Variants in KCNK9 observed in about 807,000 individuals in gnomAD.
The protein encoded by KCNK9 is potassium two pore domain channel subfamily K member 9, also known as potassium channel subfamily K member 9.
In KCNK9, 1 loss-of-function variant was observed where a neutral mutation model predicts 10.8. The observed-to-expected ratio is 0.09, with a 90% CI of 0.03 to 0.44. The LOEUF is 0.44. KCNK9 is among the 20% of genes least tolerant of loss of function. The pLI, the probability that KCNK9 is intolerant of heterozygous loss-of-function variation, is 0.97. For missense variants in KCNK9, 303 were observed against 515.0 expected (o/e 0.59, Z 3.98); for synonymous variants, 231 against 222.7 (o/e 1.04, Z -0.33).
At chr8:139,698,926 A>C (rs1042915476) in intron 1 of KCNK9, among the ~76,000 whole-genome samples, 1 of 152,204 alleles carries the variant, frequency 6.6e-6, no homozygotes, top group Non-Finnish European at 1.5e-5. Flanking sequence ...GCTGTTTCTC[A>C]GAGTGTACCC....
At chr8:139,682,966 C>T (rs1168084589) in intron 1 of KCNK9, among the ~76,000 whole-genome samples, 3 of 152,154 alleles carry the variant, frequency 2.0e-5, no homozygotes, top group East Asian at 1.9e-4. Context: ...AAAACCAGAG[C>T]ATTTCCAATG....
At position 139,618,167 on chromosome 8, in the gene KCNK9, TAATAAATA is replaced by T; in HGVS notation, c.*83_*90del. ...AAAGTAATAATGATGACAATAATAA[TAATAAATA>T]AATAAGAAAAGACGAGTTGGACCAA... On this transcript the variant is annotated 3_prime_UTR_variant, in exon 2 of 2. Transcript: ENST00000520439. The surrounding 1 kb of genome is among the most constrained non-coding windows in gnomAD (Gnocchi z 7.9). 2 of 1,484,442 alleles carry T rather than the reference TAATAAATA, an allele frequency of 1.3e-6. No homozygotes were observed. The highest frequency in any genetic ancestry group is 1.9e-6 in the Non-Finnish European group (2 of 1,073,974). The allele number at this position is 1,484,442 out of a possible 1,614,324, so 92.0% of individuals were successfully genotyped here.
chr8:139,688,064 C>A (rs187791152), intron 1 of KCNK9, among the ~76,000 whole-genome samples: 1 of 152,100 alleles, frequency 6.6e-6, no homozygotes, highest in East Asian at 1.9e-4. Flanking sequence ...TTACATGTTA[C>A]CAGTTTTTAA....
chr8:139,610,793 G>T (rs559381249), downstream of KCNK9, among the ~76,000 whole-genome samples: 1 of 152,354 alleles, frequency 6.6e-6, no homozygotes, highest in Admixed American at 6.5e-5. Context: ...GTCAGGGAAG[G>T]TTCTTGAGCA....
intron 1 of KCNK9, among the ~76,000 whole-genome samples, chr8:139,690,306 A>G (rs755637807): frequency 8.5e-5 from 13 of 152,172 alleles, no homozygotes; most frequent in South Asian, 2.1e-4. Flanking sequence ...TATCTATCTC[A>G]TAGGATTGTC....
In KCNK9 at chr8:139,701,688, G is replaced by C. The variant is rs1283868346; in HGVS notation, c.283+1022C>G. Among the ~76,000 whole-genome samples, 4 of 152,130 alleles carry C rather than the reference G, an allele frequency of 2.6e-5. 1 individual carries two copies. The highest frequency in any genetic ancestry group is 2.6e-4 in the Admixed American group (4 of 15,282). ...GGCAGCCTGCCTCACTGGGGCAAGT[G>C]AACCACAGAGACACCACCCTGCCTC... On this transcript the variant is annotated intron_variant, in intron 1 of 1. Coordinates refer to ENST00000520439, the MANE Select transcript of KCNK9 (RefSeq NM_001282534.2).
intron 1 of KCNK9, among the ~76,000 whole-genome samples, chr8:139,691,666 C>A (rs569444491): frequency 6.6e-6 from 1 of 152,296 alleles, no homozygotes; most frequent in East Asian, 1.9e-4. Context: ...AATTAAGTGT[C>A]CATTCATTCA....
rs144305409 is a variant in KCNK9, at chr8:139,667,480, G to A, written c.283+35230C>T. Among the ~76,000 whole-genome samples the A allele has an allele frequency of 6.9e-4, 104 of 150,800 alleles. 1 individual carries two copies. The East Asian group carries it at 0.018, about 26-fold the overall frequency. Reference sequence around the variant, plus strand: ...TGGGAGGCCGAGGTGGGCAGATCACGAGGTCAGAAGTTCAAGACCAGCCTG... The same window carrying A: ...TGGGAGGCCGAGGTGGGCAGATCACAAGGTCAGAAGTTCAAGACCAGCCTG... On this transcript the variant is annotated intron_variant, in intron 1 of 1. Transcript: ENST00000520439.
intron 1 of KCNK9, among the ~76,000 whole-genome samples, chr8:139,627,693 A>G (rs1382954999): frequency 2.0e-5 from 3 of 152,182 alleles, no homozygotes; most frequent in African/African-American, 7.2e-5. Flanking sequence ...TTAACACCCA[A>G]CCTGGAGTAT....
At chr8:139,671,429 C>T (rs1037410174) in intron 1 of KCNK9, among the ~76,000 whole-genome samples, 2 of 152,044 alleles carry the variant, frequency 1.3e-5, no homozygotes, top group East Asian at 3.9e-4. Context: ...CAGCAAGAGG[C>T]GGGAGGATGA....
chr8:139,701,544 G>A lies in KCNK9; in HGVS notation c.283+1166C>T, dbSNP rs554072241. Among the ~76,000 whole-genome samples, 5 of 152,236 alleles carry A rather than the reference G, an allele frequency of 3.3e-5. No individual in the cohort carries two copies. In the South Asian group the frequency reaches 8.3e-4, roughly 25 times the overall value. ...ACAGGAGGAGCTGGGAAGAAGGGAGGGGGGAAGGAGGAGGTCCCTGCCCAG... is the reference window on the plus strand; with the variant it reads ...ACAGGAGGAGCTGGGAAGAAGGGAGAGGGGAAGGAGGAGGTCCCTGCCCAG... On this transcript the variant is annotated intron_variant, in intron 1 of 1. Transcript: ENST00000520439.
At chr8:139,635,427 A>G (rs1815308629) in intron 1 of KCNK9, among the ~76,000 whole-genome samples, 1 of 152,228 alleles carries the variant, frequency 6.6e-6, no homozygotes, top group African/African-American at 2.4e-5. Flanking sequence ...GAAGGAGGAC[A>G]GGGACACTTT....
chr8:139,676,634 C>T (rs1420167780), intron 1 of KCNK9, among the ~76,000 whole-genome samples: 2 of 152,186 alleles, frequency 1.3e-5, no homozygotes, highest in Admixed American at 6.5e-5. Flanking sequence ...TCACTTTGAC[C>T]TTCACGACAC....
At chr8:139,660,599 C>T (rs57161489) in intron 1 of KCNK9, among the ~76,000 whole-genome samples, 26 of 151,180 alleles carry the variant, frequency 1.7e-4, no homozygotes, top group African/African-American at 3.9e-4. Flanking sequence ...CCAGCCTGGG[C>T]GACAGAGGGA....
intron 1 of KCNK9, among the ~76,000 whole-genome samples, chr8:139,660,999 G>A (rs16911146): frequency 0.049 from 7,463 of 152,282 alleles, 394 homozygotes; most frequent in African/African-American, 0.14. Context: ...CAGAAAAGCA[G>A]TGAAAATGCC....
At chr8:139,662,446 C>A (rs1421260221) in intron 1 of KCNK9, among the ~76,000 whole-genome samples, 2 of 152,150 alleles carry the variant, frequency 1.3e-5, no homozygotes, top group Non-Finnish European at 2.9e-5. Flanking sequence ...ATCGACCCTG[C>A]TCTCTAGTGG....
At chr8:139,657,841 C>T (rs1816058321) in intron 1 of KCNK9, among the ~76,000 whole-genome samples, 1 of 152,336 alleles carries the variant, frequency 6.6e-6, no homozygotes, top group African/African-American at 2.4e-5. Flanking sequence ...CTCTCCAGGA[C>T]TCGCCTCTAT....
chr8:139,679,705 G>A (rs527586725), intron 1 of KCNK9, among the ~76,000 whole-genome samples: 2 of 152,298 alleles, frequency 1.3e-5, no homozygotes, highest in East Asian at 3.9e-4. Flanking sequence ...TCAAACCCAG[G>A]TCTTTTCAAA....
At chr8:139,695,924 G>C (rs1431655015) in intron 1 of KCNK9, among the ~76,000 whole-genome samples, 1 of 152,116 alleles carries the variant, frequency 6.6e-6, no homozygotes, top group Non-Finnish European at 1.5e-5. Flanking sequence ...CCAGCTCCCT[G>C]GGCCACTGTA....
Sources: gnomAD v4.1 joint callset for allele counts (sites outside exome capture counted in the v4.1 genomes callset) on GRCh38, gnomAD v4.1.1 for gene constraint, Gnocchi (gnomAD v3.1) non-coding constraint, MANE v1.5 for transcripts, NCBI Gene and HGNC (gene_info 2026-07-23, HGNC 2026-07-21) for gene names.